Variants in CD44 observed in about 807,000 individuals in gnomAD.
The protein encoded by CD44 is CD44 antigen.
CD44 carries 49 observed loss-of-function variants against 88.8 expected under a neutral mutation model. The observed-to-expected ratio is 0.55, with a 90% CI of 0.44 to 0.70. The LOEUF (loss-of-function observed/expected upper bound fraction) is 0.70. Among genes scored for constraint, CD44 ranks in the 30% least tolerant of loss-of-function variants. The pLI is 0.00. For missense variants in CD44, 883 were observed against 913.8 expected (o/e 0.97, Z 0.43); for synonymous variants, 325 against 312.3 (o/e 1.04, Z -0.43).
At chr11:35,188,951 A>AG (rs1203796664) in intron 4 of CD44, among the ~76,000 whole-genome samples, 3 of 152,120 alleles carry the variant, frequency 2.0e-5, no homozygotes, top group South Asian at 2.1e-4. Context: ...AAAAAAAAAA[A>AG]GTTTCATTTG....
Position 35,204,578 on chromosome 11 carries a change from G to A in CD44, c.1220G>A (p.Arg407Lys), listed in dbSNP as rs756466229. ...CAGAAGGAACAGTGGTTTGGCAACA[G>A]ATGGCATGAGGGATATCGCCAAACA... Reference protein sequence around the residue: ...ATQKEQWFGNRWHEGYRQTPK... With the variant: ...ATQKEQWFGNKWHEGYRQTPK... The change falls in exon 10 of 18, where the codon AGA (arginine) becomes AAA (lysine). Residue 407 changes from arginine to lysine, a missense_variant. Arg to Lys is a conservative substitution (Grantham distance 26). Transcript: ENST00000428726. 27 of 1,613,148 alleles carry A rather than the reference G, an allele frequency of 1.7e-5. No homozygotes were observed. The highest frequency in any genetic ancestry group is 4.5e-5 in the East Asian group (2 of 44,866).
Position 35,221,687 on chromosome 11 carries a change from T to C in CD44, c.1979T>C (p.Leu660Ser). The C allele has an allele frequency of 6.2e-7, 1 of 1,614,162 alleles. No homozygotes were observed. Among genetic ancestry groups the C allele is most frequent in the Admixed American group, 1.7e-5 (1 of 60,028 alleles). ...ATCATCTTGGCATCCCTCTTGGCCT[T>C]GGCTTTGATTCTTGCAGTTTGCATT... The part of the protein sequence containing the change: ...WLIILASLLA[L>S]ALILAVCIAV... Residue 660 changes from leucine (L) to serine (S), a missense_variant, in exon 17 of 18, where the codon TTG (leucine) becomes TCG (serine). Physicochemically the swap from Leu to Ser is moderately radical, Grantham distance 145. Coordinates refer to ENST00000428726, the MANE Select transcript of CD44 (RefSeq NM_000610.4).
chr11:35,139,688 G>T, intron 1 of CD44: 1 of 596,318 alleles, frequency 1.7e-6, no homozygotes, highest in South Asian at 1.5e-5. Context: ...GATGCGCACA[G>T]TCGTTGTCTG....
intron 3 of CD44, among the ~76,000 whole-genome samples, chr11:35,185,699 GCA>G (rs1184166291): frequency 6.6e-6 from 1 of 152,000 alleles, no homozygotes; most frequent in African/African-American, 2.4e-5. Context: ...ATTTAAGTAT[GCA>G]CACACACACA....
At chr11:35,227,224 C>T (rs1407185578) in intron 17 of CD44, among the ~76,000 whole-genome samples, 2 of 152,100 alleles carry the variant, frequency 1.3e-5, no homozygotes, top group Non-Finnish European at 2.9e-5. Context: ...CTCACTCTGT[C>T]ACCCAGGCTG....
At chr11:35,185,332 G>A (rs77117576) in intron 3 of CD44, among the ~76,000 whole-genome samples, 13,174 of 152,132 alleles carry the variant, frequency 0.087, 626 homozygotes, top group African/African-American at 0.11. Context: ...TTTTCCAATT[G>A]AATGTATAAA....
At chr11:35,146,129 C>T (rs1253900649) in intron 1 of CD44, among the ~76,000 whole-genome samples, 1 of 152,112 alleles carries the variant, frequency 6.6e-6, no homozygotes, top group Non-Finnish European at 1.5e-5. Flanking sequence ...CACTGGCTGC[C>T]TGGGTGTGTC....
intron 1 of CD44, among the ~76,000 whole-genome samples, chr11:35,161,930 C>A (rs1006897006): frequency 2.6e-5 from 4 of 152,112 alleles, no homozygotes; most frequent in African/African-American, 9.7e-5. Flanking sequence ...AAAGAGTGAG[C>A]CTTAGACATA....
At chr11:35,229,070 T>C (rs1390671263) in intron 17 of CD44, 59 bp from the exon 18 acceptor site, 1 of 1,354,306 alleles carries the variant, frequency 7.4e-7, no homozygotes, top group East Asian at 2.3e-5. Context: ...GTAAGGATGA[T>C]GATCTGATGC....
rs1310083284 is a variant in CD44, at chr11:35,230,073, G to T, written c.*740G>T. On this transcript the variant is annotated 3_prime_UTR_variant, in exon 18 of 18. Coordinates refer to ENST00000428726, the MANE Select transcript of CD44 (RefSeq NM_000610.4). ...CAGTTTCTAAACCAGCACTGTCTGG[G>T]TCCCTACAATGTATCAGGAAGAGCT... 3 of 152,138 alleles carry T rather than the reference G, an allele frequency of 2.0e-5. No individual in the cohort carries two copies. The highest frequency in any genetic ancestry group is 4.4e-5 in the Non-Finnish European group (3 of 68,044). The allele number at this position is 152,138 out of a possible 1,614,324, so 9.4% of individuals were successfully genotyped here.
intron 5 of CD44, among the ~76,000 whole-genome samples, chr11:35,190,958 C>G (rs1262704512): frequency 6.6e-6 from 1 of 152,174 alleles, no homozygotes; most frequent in Admixed American, 6.5e-5. Context: ...GTTTACATCT[C>G]TCTTGTCTCC....
chr11:35,224,996 C>T (rs1949594260), intron 17 of CD44, among the ~76,000 whole-genome samples: 1 of 152,022 alleles, frequency 6.6e-6, no homozygotes, highest in Admixed American at 6.6e-5. Flanking sequence ...CTGAGCTCAC[C>T]CAACCTCGTC....
intron 9 of CD44, 147 bp downstream of exon 9, chr11:35,201,934 A>G: frequency 2.2e-6 from 2 of 896,708 alleles, no homozygotes; most frequent in Middle Eastern, 2.4e-4. Context: ...AAGCTGCTAA[A>G]CCCGCACACA....
intron 1 of CD44, among the ~76,000 whole-genome samples, chr11:35,163,449 A>T (rs1414816559): frequency 1.3e-5 from 2 of 152,138 alleles, no homozygotes; most frequent in Admixed American, 6.5e-5. Flanking sequence ...GAAAGGGGTA[A>T]AAAAGCATCA....
chr11:35,202,790 T>C (rs1947438861), intron 9 of CD44, among the ~76,000 whole-genome samples: 1 of 152,176 alleles, frequency 6.6e-6, no homozygotes, highest in Non-Finnish European at 1.5e-5. Context: ...AGTAGGTGTG[T>C]TGTATACATA....
chr11:35,159,315 C>T (rs1289303253), intron 1 of CD44, among the ~76,000 whole-genome samples: 1 of 152,238 alleles, frequency 6.6e-6, no homozygotes, highest in Admixed American at 6.5e-5. Context: ...CTCCCAGCCA[C>T]ACCTCAGAAG....
At chr11:35,226,880 C>CTTTTTTTTTTTT (rs367551052) in intron 17 of CD44, among the ~76,000 whole-genome samples, 4 of 106,212 alleles carry the variant, frequency 3.8e-5, no homozygotes, top group Non-Finnish European at 5.4e-5. Flanking sequence ...TTCTTTTTTC[C>CTTTTTTTTTTTT]TTTTTTTTTT....
chr11:35,199,777 T>C (rs1054983400), intron 7 of CD44, among the ~76,000 whole-genome samples: 2 of 152,110 alleles, frequency 1.3e-5, no homozygotes, highest in Admixed American at 6.5e-5. Context: ...TACTGTCTCC[T>C]GTGTTCAGCA....
intron 1 of CD44, among the ~76,000 whole-genome samples, chr11:35,148,748 G>A (rs1055944158): frequency 2.0e-5 from 3 of 152,200 alleles, no homozygotes; most frequent in Non-Finnish European, 4.4e-5. Flanking sequence ...CCCAATTATA[G>A]TGGGTGCTCA....
Sources: allele counts gnomAD v4.1 joint callset (sites outside exome capture counted in the v4.1 genomes callset), GRCh38; gene constraint gnomAD v4.1.1; transcripts MANE v1.5; gene names NCBI Gene and HGNC (gene_info 2026-07-23, HGNC 2026-07-21).